Variants in MTFR1 observed in about 807,000 individuals in gnomAD.
The protein encoded by MTFR1 is mitochondrial fission regulator 1, also known as chondrocyte protein with a poly-proline region.
In MTFR1, 28 loss-of-function variants were observed where a neutral mutation model predicts 38.8. That is an observed-to-expected ratio of 0.72 (90% CI 0.53 to 0.99). The LOEUF (loss-of-function observed/expected upper bound fraction) is 0.99, where lower values mean the gene tolerates loss of function less well. Among genes scored for constraint, MTFR1 ranks in the 50% least tolerant of loss-of-function variants. The pLI is 0.00. For synonymous variants in MTFR1, 145 were observed against 137.0 expected (o/e 1.06, Z -0.41); for missense variants, 358 against 395.5 (o/e 0.91, Z 0.81).
At chr8:65,652,566 A>G (rs192291438) in intron 1 of MTFR1, among the ~76,000 whole-genome samples, 129 of 152,308 alleles carry the variant, frequency 8.5e-4, no homozygotes, top group Admixed American at 1.9e-3. Context: ...CATTGTAGAT[A>G]TCTTTCACTT....
At chr8:65,773,569 C>T (rs768955344), downstream of MTFR1, among the ~76,000 whole-genome samples, 3 of 152,100 alleles carry the variant, frequency 2.0e-5, no homozygotes, top group Non-Finnish European at 2.9e-5. Context: ...TAATTTGAAC[C>T]ATTTTTTTGT....
At chr8:65,656,447 C>A (rs1380183144) in intron 1 of MTFR1, among the ~76,000 whole-genome samples, 3 of 151,734 alleles carry the variant, frequency 2.0e-5, no homozygotes, top group African/African-American at 7.3e-5. Flanking sequence ...GATCTTTATG[C>A]CTCAGCCTCC....
intron 3 of MTFR1, among the ~76,000 whole-genome samples, chr8:65,726,146 T>G (rs1266796728): frequency 1.3e-5 from 2 of 152,208 alleles, no homozygotes; most frequent in Non-Finnish European, 2.9e-5. Flanking sequence ...CCACTTTTCT[T>G]GAAGTGGATG....
intron 3 of MTFR1, among the ~76,000 whole-genome samples, chr8:65,754,241 G>C (rs1808108563): frequency 6.6e-6 from 1 of 151,948 alleles, no homozygotes; most frequent in Non-Finnish European, 1.5e-5. Context: ...TGATTAGATG[G>C]TGCCCCCCCG....
At chr8:65,767,730 C>G (rs76311198) in intron 3 of MTFR1, among the ~76,000 whole-genome samples, 1 of 152,106 alleles carries the variant, frequency 6.6e-6, no homozygotes, top group East Asian at 1.9e-4. Flanking sequence ...GGGTGGCGTC[C>G]CAGGGAAGGC....
chr8:65,686,777 G>C (rs1370034904), intron 3 of MTFR1, among the ~76,000 whole-genome samples: 1 of 151,906 alleles, frequency 6.6e-6, no homozygotes, highest in African/African-American at 2.4e-5. Context: ...ACAAAAATTA[G>C]CCGGGCGTGG....
intron 4 of MTFR1, 29 bp downstream of exon 4, chr8:65,693,788 A>T: frequency 6.6e-7 from 1 of 1,505,296 alleles, no homozygotes. Context: ...CAGAACTGAG[A>T]TGCAATATCT....
chr8:65,745,368 A>G (rs1336858481), intron 3 of MTFR1: 1 of 1,144,456 alleles, frequency 8.7e-7, no homozygotes, highest in East Asian at 2.3e-5. Context: ...GCAGTAATCT[A>G]GACTACATTA....
At chr8:65,698,068 T>C (rs1344627984) in intron 4 of MTFR1, among the ~76,000 whole-genome samples, 1 of 152,122 alleles carries the variant, frequency 6.6e-6, no homozygotes, top group African/African-American at 2.4e-5. Context: ...AAGAGCTCTT[T>C]GCCTAGCCCT....
rs1806288265 is a variant in MTFR1, at chr8:65,719,537, A to G, written c.*48+56A>G. The stretch of plus-strand genomic sequence containing the variant: ...AAAAAGTTATTAACATATATGCTGA[A>G]ACTCTATCTTTAAAACATCATCTAT... On this transcript the variant is annotated intron_variant, in intron 3 of 3. Coordinates refer to the MTFR1 transcript ENST00000521247. The G allele has an allele frequency of 3.1e-6, 4 of 1,273,568 alleles. No individual in the cohort carries two copies. In the South Asian group the frequency reaches 3.6e-5, roughly 11 times the overall value. 78.9% of individuals were successfully genotyped at this position (1,273,568 alleles called of 1,614,324 possible). A position where few individuals can be genotyped will look rare whatever the true frequency, so the allele number is the denominator to read the frequency against.
In MTFR1 at chr8:65,709,011, G is replaced by A; in HGVS notation, c.969G>A (p.Met323Ile). 1 of 1,614,000 alleles carries A rather than the reference G, an allele frequency of 6.2e-7. No individual in the cohort carries two copies. The highest frequency in any genetic ancestry group is 1.6e-4 in the Middle Eastern group (1 of 6,062). The change falls in exon 8 of 8, where the codon ATG becomes ATA. Residue 323 changes from methionine (M) to isoleucine (I), a missense_variant. Met to Ile is a conservative substitution (Grantham distance 10). Transcript: ENST00000262146. ...ACATGTTGAAGCCAACAGGAAAAAT[G>A]AAGGCTTTAATTGAAAATGTATCAG... is the stretch of plus-strand genomic sequence containing the variant. Reference protein sequence around the residue: ...GPHMLKPTGKMKALIENVSDS With the variant: ...GPHMLKPTGKIKALIENVSDS
intron 3 of MTFR1, chr8:65,689,496 T>G: frequency 1.1e-6 from 1 of 948,764 alleles, no homozygotes. Context: ...ATTTTTGCTC[T>G]GAATGAAATG....
intron 3 of MTFR1, among the ~76,000 whole-genome samples, chr8:65,733,578 C>T (rs1344494875): frequency 6.6e-6 from 1 of 151,984 alleles, no homozygotes; most frequent in Non-Finnish European, 1.5e-5. Flanking sequence ...CATGATCACG[C>T]CACTGCACTC....
chr8:65,775,365 T>C (rs928507132), downstream of MTFR1, among the ~76,000 whole-genome samples: 7 of 152,256 alleles, frequency 4.6e-5, no homozygotes, highest in Non-Finnish European at 1.0e-4. Flanking sequence ...ACTACTTAGT[T>C]GACTTATTTC....
chr8:65,661,879 G>A (rs978404240), intron 1 of MTFR1, among the ~76,000 whole-genome samples: 9 of 152,046 alleles, frequency 5.9e-5, no homozygotes, highest in Non-Finnish European at 1.2e-4. Context: ...TGGGAGAATC[G>A]CTTGAACTCG....
At chr8:65,759,754 A>G (rs763846376) in intron 3 of MTFR1, among the ~76,000 whole-genome samples, 6 of 152,066 alleles carry the variant, frequency 3.9e-5, no homozygotes, top group Non-Finnish European at 7.4e-5. Flanking sequence ...AGACATCCCA[A>G]ACCCTCTCTT....
chr8:65,705,734 G>C (rs978158838), intron 5 of MTFR1, among the ~76,000 whole-genome samples: 1 of 152,206 alleles, frequency 6.6e-6, no homozygotes, highest in Non-Finnish European at 1.5e-5. Context: ...ATGTTACTGA[G>C]TTATTGTGAG....
At chr8:65,675,654 C>T (rs932773028) in intron 2 of MTFR1, among the ~76,000 whole-genome samples, 4 of 152,118 alleles carry the variant, frequency 2.6e-5, no homozygotes, top group African/African-American at 7.2e-5. Flanking sequence ...ATTTAATGCT[C>T]ATAGGCTCAT....
At chr8:65,724,204 T>TA (rs565301886) in intron 3 of MTFR1, 619 of 1,137,440 alleles carry the variant, frequency 5.4e-4, no homozygotes, top group Admixed American at 1.6e-3. Context: ...CTTACGATGT[T>TA]AAAAAAAAAT....
Sources: gnomAD v4.1 joint callset for allele counts (sites outside exome capture counted in the v4.1 genomes callset) on GRCh38, gnomAD v4.1.1 for gene constraint, MANE v1.5 for transcripts, NCBI Gene and HGNC (gene_info 2026-07-23, HGNC 2026-07-21) for gene names.